Variants in RIPOR2 observed in about 807,000 individuals in gnomAD.
RIPOR2 encodes the protein RHO family interacting cell polarization regulator 2, also known as rho family-interacting cell polarization regulator 2.
Under a neutral mutation model 114.5 loss-of-function variants are expected in RIPOR2, and 39 were observed. The ratio of observed to expected loss-of-function variants is 0.34; its 90% CI spans 0.26 to 0.44. The LOEUF is 0.44. Ranked by LOEUF, RIPOR2 falls within the 20% of genes least tolerant of loss-of-function variation. The pLI, the probability that RIPOR2 is intolerant of heterozygous loss-of-function variation, is 1.00. For synonymous variants in RIPOR2, 445 were observed against 484.4 expected, an observed-to-expected ratio of 0.92 and a Z score of 1.07; for missense variants, 1,007 against 1,255.1, an observed-to-expected ratio of 0.80 and a Z score of 2.99.
At chr6:24,921,427 G>T (rs1441728825) in intron 1 of RIPOR2, among the ~76,000 whole-genome samples, 2 of 151,840 alleles carry the variant, frequency 1.3e-5, no homozygotes. Context: ...GTCTTCCAAA[G>T]TGCTAGCATT....
At chr6:24,906,961 A>G (rs1769065796) in intron 1 of RIPOR2, among the ~76,000 whole-genome samples, 2 of 152,182 alleles carry the variant, frequency 1.3e-5, no homozygotes, top group African/African-American at 4.8e-5. Flanking sequence ...TTTTATATTG[A>G]ATGCGATGTC....
At chr6:25,040,680 C>T (rs915758299) in intron 1 of RIPOR2, among the ~76,000 whole-genome samples, 3 of 151,242 alleles carry the variant, frequency 2.0e-5, no homozygotes, top group Non-Finnish European at 2.9e-5. Flanking sequence ...GCAACCTCCA[C>T]CTCCTGGGTT....
intron 1 of RIPOR2, among the ~76,000 whole-genome samples, chr6:25,000,486 T>C (rs1308114168): frequency 6.6e-6 from 1 of 152,246 alleles, no homozygotes; most frequent in Non-Finnish European, 1.5e-5. Flanking sequence ...ATAAGTGAAC[T>C]CATGAATATC....
chr6:24,819,991 T>G (rs9348646), intron 19 of RIPOR2, among the ~76,000 whole-genome samples: 46,520 of 151,908 alleles, frequency 0.31, 8,040 homozygotes, highest in East Asian at 0.68. Context: ...TATTGTGCAT[T>G]TCTTGCTATT....
intron 1 of RIPOR2, among the ~76,000 whole-genome samples, chr6:24,998,788 G>C (rs576491701): frequency 6.5e-4 from 99 of 152,204 alleles, no homozygotes; most frequent in South Asian, 4.4e-3. Flanking sequence ...AATTCCAATC[G>C]GCCCAAGGTT....
intron 1 of RIPOR2, among the ~76,000 whole-genome samples, chr6:25,001,318 CT>C (rs1775305216): frequency 6.6e-6 from 1 of 152,078 alleles, no homozygotes; most frequent in South Asian, 2.1e-4. Flanking sequence ...GGTTAGCAAA[CT>C]TTTTCTGTAA....
chr6:25,037,525 C>T lies in RIPOR2; in HGVS notation c.76+4326G>A, dbSNP rs1009497459. Among the ~76,000 whole-genome samples the T allele has an allele frequency of 6.6e-6, 1 of 152,138 alleles. No individual in the cohort carries two copies. The highest frequency in any genetic ancestry group is 2.4e-5 in the African/African-American group (1 of 41,420). ...ACAGGACACCAGATAGGTCCTTCTC[C>T]CGAATGTCTGCTCAGTATCACACAT... On this transcript the variant is annotated intron_variant, in intron 1 of 13. Transcript: ENST00000510784. The surrounding 1 kb of genome is among the most constrained non-coding windows in gnomAD (Gnocchi z 4.5).
chr6:24,818,137 T>C (rs6922558), intron 20 of RIPOR2, among the ~76,000 whole-genome samples: 79,812 of 151,642 alleles, frequency 0.53, 21,273 homozygotes, highest in Non-Finnish European at 0.56. Context: ...CTAGTTTTTG[T>C]ATTTTTGTAG....
chr6:24,931,978 C>T (rs1045517072), intron 1 of RIPOR2: 1 of 152,542 alleles, frequency 6.6e-6, no homozygotes, highest in Non-Finnish European at 1.5e-5. Flanking sequence ...CTGTGCATGG[C>T]CCTTCTTTTT....
chr6:24,952,210 T>C (rs1461025674), intron 1 of RIPOR2, among the ~76,000 whole-genome samples: 2 of 152,102 alleles, frequency 1.3e-5, no homozygotes, highest in Non-Finnish European at 2.9e-5. Flanking sequence ...AAGCGCAGAA[T>C]AGTAAATGCC....
intron 13 of RIPOR2, chr6:24,840,714 T>G: frequency 6.5e-7 from 1 of 1,535,386 alleles, no homozygotes; most frequent in Non-Finnish European, 8.7e-7. Context: ...TCATTCACCC[T>G]CAGTGATCTC....
chr6:24,855,690 G>T (rs1426767981), intron 8 of RIPOR2, among the ~76,000 whole-genome samples: 2 of 152,166 alleles, frequency 1.3e-5, no homozygotes, highest in African/African-American at 4.8e-5. Context: ...AGATGCTGTG[G>T]ATGGTATCAC....
At chr6:24,945,305 A>T (rs934289974) in intron 1 of RIPOR2, among the ~76,000 whole-genome samples, 2 of 152,210 alleles carry the variant, frequency 1.3e-5, no homozygotes, top group Non-Finnish European at 2.9e-5. Context: ...ATATTTCCAG[A>T]TATACAAAAG....
intron 1 of RIPOR2, among the ~76,000 whole-genome samples, chr6:24,985,128 T>A (rs768210391): frequency 2.0e-5 from 3 of 152,142 alleles, no homozygotes; most frequent in Admixed American, 1.3e-4. Context: ...ACTGGAGAGA[T>A]CTTAATTTTT....
intron 12 of RIPOR2, among the ~76,000 whole-genome samples, chr6:24,844,835 G>A (rs999467697): frequency 3.9e-5 from 6 of 152,106 alleles, no homozygotes; most frequent in African/African-American, 9.7e-5. Flanking sequence ...TAAATGGTAA[G>A]TATCATGCTA....
intron 1 of RIPOR2, among the ~76,000 whole-genome samples, chr6:24,986,569 T>C (rs544182343): frequency 3.3e-5 from 5 of 152,164 alleles, no homozygotes; most frequent in African/African-American, 7.2e-5. Context: ...TATTGCTGTT[T>C]CACAACAGGA....
At chr6:24,975,250 A>T (rs1018894616) in intron 1 of RIPOR2, among the ~76,000 whole-genome samples, 1 of 152,244 alleles carries the variant, frequency 6.6e-6, no homozygotes, top group African/African-American at 2.4e-5. Context: ...GTTTAAACAC[A>T]AAGAATGTAG....
chr6:24,830,417 A>G lies in RIPOR2; in HGVS notation c.2506+92T>C, dbSNP rs566289371. 4 of 1,026,704 alleles carry G rather than the reference A, an allele frequency of 3.9e-6. No individual in the cohort carries two copies. In the East Asian group the frequency reaches 1.1e-4, roughly 27 times the overall value. The allele number at this position is 1,026,704 out of a possible 1,614,324, so 63.6% of individuals were successfully genotyped here. ...TTTGTGTGTTTCCCATCTGCAGGCA[A>G]GTGGTAGGAGGACCCCTCTCCCCCG... is the stretch of plus-strand genomic sequence containing the variant. On this transcript the variant is annotated intron_variant, in intron 17 of 21. Coordinates refer to ENST00000643898, the MANE Select transcript of RIPOR2 (RefSeq NM_001286445.3).
chr6:24,939,999 G>T (rs761577097), upstream of RIPOR2, among the ~76,000 whole-genome samples: 3 of 152,104 alleles, frequency 2.0e-5, no homozygotes, highest in Non-Finnish European at 4.4e-5. Flanking sequence ...TTGCTTTGTG[G>T]AACTTTACTC....
Sources: gnomAD v4.1 joint callset for allele counts (sites outside exome capture counted in the v4.1 genomes callset) on GRCh38, gnomAD v4.1.1 for gene constraint, Gnocchi (gnomAD v3.1) non-coding constraint, MANE v1.5 for transcripts, NCBI Gene and HGNC (gene_info 2026-07-23, HGNC 2026-07-21) for gene names.